The following SLC52A3 variants were observed in gnomAD, a reference collection of about 807,000 sequenced individuals.
The protein encoded by SLC52A3 is solute carrier family 52 member 3.
SLC52A3 carries 20 observed loss-of-function variants against 29.5 expected under a neutral mutation model. The observed-to-expected ratio is 0.68, with a 90% CI of 0.48 to 0.99. The LOEUF is 0.99. Among genes scored for constraint, SLC52A3 ranks in the 50% least tolerant of loss-of-function variants. The pLI is 0.00. For missense variants in SLC52A3, 548 were observed against 612.9 expected, an observed-to-expected ratio of 0.89 and a Z score of 1.12; for synonymous variants, 301 against 271.0, an observed-to-expected ratio of 1.11 and a Z score of -1.09.
At chr20:761,909 G>C in intron 3 of SLC52A3, 85 bp from the exon 4 acceptor site, 2 of 1,592,888 alleles carry the variant, frequency 1.3e-6, no homozygotes, top group Non-Finnish European at 1.7e-6. Flanking sequence ...TGGATGGCCA[G>C]TGTCTCCATA....
At chr20:761,848 G>A in intron 3 of SLC52A3, 24 bp from the exon 4 acceptor site, 1 of 1,614,086 alleles carries the variant, frequency 6.2e-7, no homozygotes, top group Non-Finnish European at 8.5e-7. Flanking sequence ...GGGGAGGTGA[G>A]TGGAGGTGAG....
upstream of SLC52A3, among the ~76,000 whole-genome samples, chr20:773,445 C>A (rs1045519636): frequency 6.6e-6 from 1 of 152,160 alleles, no homozygotes; most frequent in Non-Finnish European, 1.5e-5. Context: ...AGCTTTACAT[C>A]CAGGCATGCT....
At position 760,586 on chromosome 20, in the gene SLC52A3, T is replaced by A. The variant is rs1035416544; in HGVS notation, c.*440A>T. ...GGCTTGCTTGATGCGGGCTGCTTTT[T>A]CCTTTTGCCTCCGTGCCATGCCTGT... On this transcript the variant is annotated 3_prime_UTR_variant, in exon 5 of 5. Coordinates refer to ENST00000645534, the MANE Select transcript of SLC52A3 (RefSeq NM_033409.4). The surrounding 1 kb of genome is among the most constrained non-coding windows in gnomAD (Gnocchi z 4.9). 7 of 182,508 alleles carry A rather than the reference T, an allele frequency of 3.8e-5. No individual in the cohort carries two copies. The highest frequency in any genetic ancestry group is 5.8e-5 in the Non-Finnish European group (5 of 86,218). 11.3% of individuals were successfully genotyped at this position (182,508 alleles called of 1,614,324 possible). A position where few individuals can be genotyped will look rare whatever the true frequency, so the allele number is the denominator to read the frequency against.
At position 765,399 on chromosome 20, in the gene SLC52A3, A is replaced by G. The variant is rs1233906329; in HGVS notation, c.376T>C (p.Phe126Leu). The change falls in exon 2 of 5, where the codon TTC becomes CTC. Residue 126 changes from phenylalanine to leucine, a missense_variant. By Grantham distance (22) the Phe-to-Leu change is conservative (BLOSUM62 0). Coordinates refer to ENST00000645534, the MANE Select transcript of SLC52A3 (RefSeq NM_033409.4). The surrounding 1 kb of genome is among the most constrained non-coding windows in gnomAD (Gnocchi z 6.6). ...ALVDCTSSVT[F>L]LPFMSRLPTY... ...GGCAGCCGGCTCATGAACGGCAGGAAGGTCACTGAAGAGGTGCAGTCCACC... is the reference window on the plus strand; with the variant it reads ...GGCAGCCGGCTCATGAACGGCAGGAGGGTCACTGAAGAGGTGCAGTCCACC... 1.9e-6 allele frequency: 3 copies of G among 1,614,092 alleles called. No homozygotes were observed. The highest frequency in any genetic ancestry group is 2.5e-6 in the Non-Finnish European group (3 of 1,179,972).
rs751913684 is a variant in SLC52A3, at chr20:765,681, T to C, written c.94A>G (p.Met32Val). ...AGGTACCAGCCCTCGGGCAGCTCCA[T>C]CACCAGCAGGGGCAGCTCTACCCAG... ...GLWVELPLLV[M>V]ELPEGWYLPS... The change falls in exon 2 of 5, where the codon ATG (methionine) becomes GTG (valine). Residue 32 changes from methionine (M) to valine (V), a missense_variant. Met to Val is a conservative substitution (Grantham distance 21). Transcript: ENST00000645534. The surrounding 1 kb of genome is among the most constrained non-coding windows in gnomAD (Gnocchi z 6.6). 1 of 1,613,264 alleles carries C rather than the reference T, an allele frequency of 6.2e-7. No homozygotes were observed. Among genetic ancestry groups the C allele is most frequent in the Admixed American group, 1.7e-5 (1 of 59,966 alleles).
chr20:777,336 C>T (rs1987084835), upstream of SLC52A3, among the ~76,000 whole-genome samples: 1 of 151,808 alleles, frequency 6.6e-6, no homozygotes, highest in South Asian at 2.1e-4. Flanking sequence ...GTGTTATTTG[C>T]AGGAGTAATT....
intron 2 of SLC52A3, 44 bp from the exon 3 acceptor site, chr20:764,047 G>C: frequency 6.7e-7 from 1 of 1,501,306 alleles, no homozygotes; most frequent in South Asian, 1.2e-5. Flanking sequence ...AGGGGATCAG[G>C]CTGCAGAACA....
upstream of SLC52A3, among the ~76,000 whole-genome samples, chr20:773,128 C>T (rs1444511288): frequency 6.6e-6 from 1 of 152,114 alleles, no homozygotes; most frequent in African/African-American, 2.4e-5. Flanking sequence ...TAGTTTTTAA[C>T]AGGATCGTGC....
At position 762,798 on chromosome 20, in the gene SLC52A3, G is replaced by A. The variant is rs191540195; in HGVS notation, c.1073+700C>T. Among the ~76,000 whole-genome samples, 106 of 152,280 alleles carry A rather than the reference G, an allele frequency of 7.0e-4. No homozygotes were observed. In the East Asian group the frequency reaches 0.019, roughly 27 times the overall value. ...CTTCTTCTGGGCTGGGAGAGTGGGT[G>A]TAAGCAGGCCAGTGAGGACAGGCAG... is the stretch of plus-strand genomic sequence containing the variant. On this transcript the variant is annotated intron_variant, in intron 3 of 4. Coordinates refer to ENST00000645534, the MANE Select transcript of SLC52A3 (RefSeq NM_033409.4).
In SLC52A3 at chr20:765,859, G is replaced by C. The variant is rs1986670459; in HGVS notation, c.-51-34C>G. 1 of 1,326,262 alleles carries C rather than the reference G, an allele frequency of 7.5e-7. No individual in the cohort carries two copies. Among genetic ancestry groups the C allele is most frequent in the Admixed American group, 2.0e-5 (1 of 50,942 alleles). 82.2% of individuals were successfully genotyped at this position (1,326,262 alleles called of 1,614,324 possible). ...GAAGGACACCAGGTGAGTAATTCCAGCTTCACCACCTAGCAAGATGCTGGG... is the reference window on the plus strand; with the variant it reads ...GAAGGACACCAGGTGAGTAATTCCACCTTCACCACCTAGCAAGATGCTGGG... On this transcript the variant is annotated intron_variant, in intron 1 of 4. Transcript: ENST00000645534. This position sits in a 1 kb window ranked among gnomAD's most constrained non-coding sequence, Gnocchi z 6.6.
At chr20:772,789 C>T (rs531114486), upstream of SLC52A3, among the ~76,000 whole-genome samples, 23 of 152,170 alleles carry the variant, frequency 1.5e-4, no homozygotes, top group Middle Eastern at 6.8e-3. Context: ...GCAAGGACTC[C>T]GGAGGAAAGC....
At chr20:779,264 A>C (rs1987148693), upstream of SLC52A3, among the ~76,000 whole-genome samples, 1 of 152,206 alleles carries the variant, frequency 6.6e-6, no homozygotes, top group African/African-American at 2.4e-5. Context: ...GGCATGTCAG[A>C]GATTGTGTAA....
At chr20:766,500 A>G (rs1362323562) in intron 1 of SLC52A3, among the ~76,000 whole-genome samples, 1 of 152,214 alleles carries the variant, frequency 6.6e-6, no homozygotes, top group Non-Finnish European at 1.5e-5. Context: ...TCACAAAAGA[A>G]GTGAAAATGG....
At chr20:775,266 G>A (rs1406576970) in intron 1 of SLC52A3, among the ~76,000 whole-genome samples, 4 of 123,084 alleles carry the variant, frequency 3.2e-5, no homozygotes, top group African/African-American at 1.3e-4. Context: ...TGGGGGCCCA[G>A]TCTTTTTTTT....
At chr20:761,867 C>T in intron 3 of SLC52A3, 43 bp from the exon 4 acceptor site, 3 of 1,613,612 alleles carry the variant, frequency 1.9e-6, no homozygotes, top group Admixed American at 1.7e-5. Flanking sequence ...AGAAGCCTGA[C>T]CTCTGACCCC....
chr20:765,937 C>CTT lies in SLC52A3; in HGVS notation c.-51-114_-51-113dup, dbSNP rs397963800. 1,558 of 556,880 alleles carry CTT rather than the reference C, an allele frequency of 2.8e-3. No homozygotes were observed. Among genetic ancestry groups the CTT allele is most frequent in the Middle Eastern group, 8.5e-3 (17 of 2,000 alleles). The allele number at this position is 556,880 out of a possible 1,614,324, so 34.5% of individuals were successfully genotyped here. On this transcript the variant is annotated intron_variant, in intron 1 of 4. Transcript: ENST00000645534. This position sits in a 1 kb window ranked among gnomAD's most constrained non-coding sequence, Gnocchi z 6.6. The stretch of plus-strand genomic sequence containing the variant: ...ACTCCCCTTCCTGTGAACAAGCTGG[C>CTT]TTTTTTTTTTTTCCTTTGAGACATA...
upstream of SLC52A3, among the ~76,000 whole-genome samples, chr20:772,535 GGTGTTCGGAAT>G (rs1986872865): frequency 6.6e-6 from 1 of 152,016 alleles, no homozygotes; most frequent in Non-Finnish European, 1.5e-5. Context: ...CAGAATGGCT[GGTGTTCGGAAT>G]GTGTTGGGAT....
intron 3 of SLC52A3, among the ~76,000 whole-genome samples, chr20:762,346 T>G (rs961955856): frequency 6.6e-6 from 1 of 152,186 alleles, no homozygotes; most frequent in African/African-American, 2.4e-5. Context: ...CCTTCTGGCC[T>G]CAGCTACCTG....
chr20:761,350 A>C, intron 4 of SLC52A3, 112 bp from the exon 5 acceptor site: 1 of 1,219,430 alleles, frequency 8.2e-7, no homozygotes, highest in African/African-American at 1.5e-5. Flanking sequence ...TCTAGGTGCG[A>C]GGAGCGCCTT....
Sources: allele counts gnomAD v4.1 joint callset (sites outside exome capture counted in the v4.1 genomes callset), GRCh38; gene constraint gnomAD v4.1.1; non-coding constraint Gnocchi (gnomAD v3.1); transcripts MANE v1.5; gene names NCBI Gene and HGNC (gene_info 2026-07-23, HGNC 2026-07-21).